Variants in TRIO observed in about 807,000 individuals in gnomAD.
The protein encoded by TRIO is triple functional domain protein.
TRIO carries 58 observed loss-of-function variants against 351.9 expected under a neutral mutation model. The observed-to-expected ratio is 0.16, with a 90% CI of 0.13 to 0.21. The LOEUF (loss-of-function observed/expected upper bound fraction) is 0.21. Ranked by LOEUF, TRIO falls within the 10% of genes least tolerant of loss-of-function variation. TRIO has a pLI of 1.00. For missense variants in TRIO, 3,201 were observed against 4,027.8 expected, an observed-to-expected ratio of 0.79 and a Z score of 5.56; for synonymous variants, 1,758 against 1,595.7, an observed-to-expected ratio of 1.10 and a Z score of -2.42.
intron 33 of TRIO, among the ~76,000 whole-genome samples, chr5:14,407,660 G>A (rs1748845500): frequency 6.6e-6 from 1 of 152,340 alleles, no homozygotes; most frequent in South Asian, 2.1e-4. Flanking sequence ...CTGTGAGCTA[G>A]ATCTGATTTT....
chr5:14,408,135 G>A (rs1451369234), intron 33 of TRIO, among the ~76,000 whole-genome samples: 1 of 152,216 alleles, frequency 6.6e-6, no homozygotes, highest in East Asian at 1.9e-4. Flanking sequence ...GATTCAGACA[G>A]ATGACAGAGT....
intron 1 of TRIO, among the ~76,000 whole-genome samples, chr5:14,251,154 A>G (rs1483026948): frequency 6.6e-6 from 1 of 152,168 alleles, no homozygotes; most frequent in Non-Finnish European, 1.5e-5. Context: ...GGTTGGTATT[A>G]TGGTGATCAG....
intron 21 of TRIO, among the ~76,000 whole-genome samples, chr5:14,386,728 T>G (rs1746573666): frequency 6.6e-6 from 1 of 152,246 alleles, no homozygotes; most frequent in African/African-American, 2.4e-5. Flanking sequence ...TGTGTATCTC[T>G]GTGAAAAATA....
intron 1 of TRIO, among the ~76,000 whole-genome samples, chr5:14,229,129 C>A (rs891338528): frequency 5.3e-5 from 8 of 152,110 alleles, no homozygotes; most frequent in African/African-American, 1.9e-4. Context: ...GTTTAAGATA[C>A]AACTAAAACA....
At chr5:14,377,797 G>C (rs1561413307) in intron 19 of TRIO, among the ~76,000 whole-genome samples, 1 of 152,148 alleles carries the variant, frequency 6.6e-6, no homozygotes, top group Non-Finnish European at 1.5e-5. Context: ...TAAATTTCCA[G>C]TGGTGTCTTT....
At chr5:14,466,009 A>T (rs1214804804) in intron 37 of TRIO, 1 of 269,130 alleles carries the variant, frequency 3.7e-6, no homozygotes, top group East Asian at 7.8e-5. Context: ...CTTGGTGTTG[A>T]GTGTCTGTTT....
At chr5:14,161,549 C>T (rs1008536308) in intron 1 of TRIO, among the ~76,000 whole-genome samples, 1 of 152,140 alleles carries the variant, frequency 6.6e-6, no homozygotes, top group African/African-American at 2.4e-5. Context: ...CCAGCGCCGG[C>T]CCAGAGCAGT....
At chr5:14,502,516 T>C (rs1757368439) in intron 53 of TRIO, 63 bp from the exon 54 acceptor site, 4 of 1,570,618 alleles carry the variant, frequency 2.5e-6, no homozygotes, top group Non-Finnish European at 3.5e-6. Context: ...TGCGTGGCGA[T>C]AGCCTTCTTA....
At chr5:14,328,360 T>G (rs1561346731) in intron 9 of TRIO, among the ~76,000 whole-genome samples, 1 of 152,256 alleles carries the variant, frequency 6.6e-6, no homozygotes, top group Non-Finnish European at 1.5e-5. Context: ...GTTAAAACAA[T>G]GCACTCGTTA....
At chr5:14,357,621 G>T (rs1743740033) in intron 11 of TRIO, among the ~76,000 whole-genome samples, 1 of 152,036 alleles carries the variant, frequency 6.6e-6, no homozygotes, top group South Asian at 2.1e-4. Flanking sequence ...CTGATTGTGG[G>T]GCCTGGGCTC....
intron 13 of TRIO, among the ~76,000 whole-genome samples, chr5:14,363,530 G>C (rs1364766886): frequency 1.3e-5 from 2 of 152,040 alleles, no homozygotes; most frequent in Non-Finnish European, 2.9e-5. Context: ...TCTGGCTTCT[G>C]TGTCCATTTA....
chr5:14,196,852 A>T (rs1022333563), intron 1 of TRIO, among the ~76,000 whole-genome samples: 1 of 152,226 alleles, frequency 6.6e-6, no homozygotes, highest in South Asian at 2.1e-4. Flanking sequence ...TTAAATTTGC[A>T]TATGCCATTC....
rs199550635 is a variant in TRIO at position 14,224,653 on chromosome 5, G to GAAAA, written c.158-46170_158-46169insAAAA. Among the ~76,000 whole-genome samples, 12 of 138,830 alleles carry GAAAA rather than the reference G, an allele frequency of 8.6e-5. No homozygotes were observed. In the East Asian group the frequency reaches 2.5e-3, roughly 29 times the overall value. The allele number at this position is 138,830 out of a possible 152,430, so 91.1% of individuals were successfully genotyped here. A position where few individuals can be genotyped will look rare whatever the true frequency, so the allele number is the denominator to read the frequency against. On this transcript the variant is annotated intron_variant, in intron 1 of 56. Coordinates refer to ENST00000344204, the MANE Select transcript of TRIO (RefSeq NM_007118.4). Reference sequence around the variant, plus strand: ...AAATGTTAGTAAATAAAGCTTTACAGAAGAGGCAAAGTGGAAGGACTCAGT... The same window carrying GAAAA: ...AAATGTTAGTAAATAAAGCTTTACAGAAAAAAGAGGCAAAGTGGAAGGACTCAGT...
At chr5:14,473,050 G>C (rs1381989379) in intron 39 of TRIO, among the ~76,000 whole-genome samples, 1 of 152,134 alleles carries the variant, frequency 6.6e-6, no homozygotes, top group Non-Finnish European at 1.5e-5. Flanking sequence ...CCCAGCTGTG[G>C]GTTCGGTTCC....
chr5:14,297,392 C>G (rs1332946991), intron 7 of TRIO, 129 bp downstream of exon 7: 1 of 1,130,938 alleles, frequency 8.8e-7, no homozygotes, highest in Non-Finnish European at 1.2e-6. Context: ...TCTGAAGTCA[C>G]TTGGCCCTGA....
chr5:14,384,940 A>G (rs1328762520), intron 21 of TRIO, among the ~76,000 whole-genome samples: 1 of 152,200 alleles, frequency 6.6e-6, no homozygotes, highest in Non-Finnish European at 1.5e-5. Context: ...GACCAAGAAA[A>G]TGGACAAAAG....
chr5:14,273,840 A>G (rs766795635), intron 2 of TRIO, among the ~76,000 whole-genome samples: 1 of 152,244 alleles, frequency 6.6e-6, no homozygotes, highest in Non-Finnish European at 1.5e-5. Context: ...ACCAGAATTA[A>G]GAACGCATTC....
intron 41 of TRIO, among the ~76,000 whole-genome samples, chr5:14,478,481 G>A (rs760232250): frequency 6.6e-5 from 10 of 152,180 alleles, no homozygotes; most frequent in Non-Finnish European, 1.5e-4. Flanking sequence ...GGCCCTGGGG[G>A]TCTGCACACT....
chr5:14,469,672 G>A (rs1464967678), intron 37 of TRIO, among the ~76,000 whole-genome samples: 2 of 152,224 alleles, frequency 1.3e-5, no homozygotes, highest in Non-Finnish European at 2.9e-5. Context: ...CGATAAGGAC[G>A]TCTAGCCACA....
Sources: allele counts gnomAD v4.1 joint callset (sites outside exome capture counted in the v4.1 genomes callset), GRCh38; gene constraint gnomAD v4.1.1; transcripts MANE v1.5; gene names NCBI Gene and HGNC (gene_info 2026-07-23, HGNC 2026-07-21).